Variants in CNTRL observed in about 807,000 individuals in gnomAD.
The protein encoded by CNTRL is centriolin, also known as 110 kDa centrosomal protein.
CNTRL carries 233 observed loss-of-function variants against 303.7 expected under a neutral mutation model. The ratio of observed to expected loss-of-function variants is 0.77; its 90% CI spans 0.69 to 0.86. The LOEUF is 0.86. Among genes scored for constraint, CNTRL ranks in the 40% least tolerant of loss-of-function variants. The pLI, the probability that CNTRL is intolerant of heterozygous loss-of-function variation, is 0.00. For missense variants in CNTRL, 2,524 were observed against 2,650.6 expected (o/e 0.95, Z 1.05); for synonymous variants, 900 against 922.2 (o/e 0.98, Z 0.44).
intron 7 of CNTRL, among the ~76,000 whole-genome samples, chr9:121,101,538 T>A (rs7872447): frequency 0.58 from 88,087 of 151,852 alleles, 28,464 homozygotes; most frequent in South Asian, 0.89. Flanking sequence ...GAAGGCAAGA[T>A]ACAACTAAAA....
chr9:121,159,966 A>G (rs1380183949), intron 31 of CNTRL, among the ~76,000 whole-genome samples, 177 bp from the exon 32 acceptor site: 2 of 152,224 alleles, frequency 1.3e-5, no homozygotes, highest in Non-Finnish European at 2.9e-5. Flanking sequence ...ACTTTCTTCT[A>G]TTATATAGAA....
chr9:121,144,828 C>T lies in CNTRL; in HGVS notation c.3052-15C>T, dbSNP rs377168561. The T allele has an allele frequency of 3.2e-5, 52 of 1,601,384 alleles. No homozygotes were observed. The highest frequency in any genetic ancestry group is 4.3e-5 in the Non-Finnish European group (50 of 1,169,514). Reference sequence around the variant, plus strand: ...TGATAGCAGTGGTGCCTTTCTCATACTTCTGTCCCAGTAGGAGTTGCAGGA... The same window carrying T: ...TGATAGCAGTGGTGCCTTTCTCATATTTCTGTCCCAGTAGGAGTTGCAGGA... On this transcript the variant is annotated splice_polypyrimidine_tract_variant and intron_variant, in intron 20 of 43. Coordinates refer to ENST00000373855, the MANE Select transcript of CNTRL (RefSeq NM_007018.6).
In CNTRL at chr9:121,094,983, A is replaced by G. The variant is rs2048827726; in HGVS notation, c.444A>G (p.Lys148=). Residue 148 remains lysine, a synonymous_variant, in exon 5 of 44, where the codon AAA becomes AAG. Transcript: ENST00000373855. ...TTGAAAAGTTGGACAAGCTGTTAAA[A>G]TTACGTGAACTCAACTTATCATATA... is the stretch of plus-strand genomic sequence containing the variant. The part of the protein sequence containing the change: ...GKIEKLDKLL[K]LRELNLSYNK... The G allele has an allele frequency of 1.9e-6, 3 of 1,609,028 alleles. No homozygotes were observed. The South Asian group carries it at 3.3e-5, about 18-fold the overall frequency.
intron 19 of CNTRL, among the ~76,000 whole-genome samples, chr9:121,142,491 G>A (rs1045480188): frequency 1.3e-5 from 2 of 152,210 alleles, no homozygotes; most frequent in African/African-American, 4.8e-5. Context: ...AGAATGTAAG[G>A]AGTGACTTTC....
At chr9:121,101,223 A>G (rs1300765851) in intron 7 of CNTRL, among the ~76,000 whole-genome samples, 1 of 152,202 alleles carries the variant, frequency 6.6e-6, no homozygotes, top group Non-Finnish European at 1.5e-5. Context: ...GTGCAATCAA[A>G]CTAGAACTCA....
rs2053534294 is a variant in CNTRL at position 121,176,586 on chromosome 9, TA to T, written c.6955-573del. Among the ~76,000 whole-genome samples, 9 of 152,252 alleles carry T rather than the reference TA, an allele frequency of 5.9e-5. No homozygotes were observed. In the South Asian group the frequency reaches 1.9e-3, roughly 32 times the overall value. The stretch of plus-strand genomic sequence containing the variant: ...GAGAAGAGTAGAGTGCACAAGGGCT[TA>T]AAAGCCAGCTTCAATTACCAGCTCA... On this transcript the variant is annotated intron_variant, in intron 43 of 43. Coordinates refer to ENST00000373855, the MANE Select transcript of CNTRL (RefSeq NM_007018.6).
chr9:121,117,298 T>C (rs1029491728), intron 11 of CNTRL, among the ~76,000 whole-genome samples: 7 of 152,214 alleles, frequency 4.6e-5, no homozygotes, highest in Non-Finnish European at 8.8e-5. Flanking sequence ...ATTGCAGTTA[T>C]GGGGAATTAC....
At chr9:121,124,803 G>A (rs1276234564) in intron 13 of CNTRL, among the ~76,000 whole-genome samples, 6 of 151,600 alleles carry the variant, frequency 4.0e-5, no homozygotes, top group Non-Finnish European at 5.9e-5. Context: ...TTAGCCAGGC[G>A]TAGTGGTATG....
rs1425751691 is a variant in CNTRL, at chr9:121,162,154, A to G, written c.5306A>G (p.Glu1769Gly). Residue 1769 changes from glutamate to glycine, a missense_variant, in exon 34 of 44, where the codon GAA becomes GGA. Physicochemically the swap from Glu to Gly is moderately conservative, Grantham distance 98 (BLOSUM62 -2). Coordinates refer to ENST00000373855, the MANE Select transcript of CNTRL (RefSeq NM_007018.6). ...CTTGAGAGGGATAAACGAGAAATAG[A>G]ACGAATGACTGCTGAGTCCCGAGCT... ...QLLERDKREI[E>G]RMTAESRALQ... The G allele has an allele frequency of 6.2e-7, 1 of 1,614,062 alleles. No homozygotes were observed. The highest frequency in any genetic ancestry group is 8.5e-7 in the Non-Finnish European group (1 of 1,180,018).
chr9:121,142,709 A>C (rs927493506), intron 19 of CNTRL, among the ~76,000 whole-genome samples: 6 of 152,128 alleles, frequency 3.9e-5, no homozygotes, highest in Non-Finnish European at 7.4e-5. Context: ...CAAGTTTAAA[A>C]ATTGCACCCA....
chr9:121,132,348 C>G (rs994844635), intron 14 of CNTRL, among the ~76,000 whole-genome samples: 1 of 152,118 alleles, frequency 6.6e-6, no homozygotes, highest in African/African-American at 2.4e-5. Flanking sequence ...TCTTTTTTCT[C>G]TAAACTTCTC....
At chr9:121,146,365 C>A in intron 23 of CNTRL, 109 bp downstream of exon 23, 2 of 1,116,224 alleles carry the variant, frequency 1.8e-6, no homozygotes, top group Non-Finnish European at 2.5e-6. Context: ...CATTTCTATG[C>A]TAAGCCGTGC....
chr9:121,084,732 G>A (rs1564186664), intron 2 of CNTRL, among the ~76,000 whole-genome samples: 1 of 152,102 alleles, frequency 6.6e-6, no homozygotes, highest in Non-Finnish European at 1.5e-5. Flanking sequence ...TTTTAGTAGA[G>A]ACGGGGTTTC....
In CNTRL at chr9:121,158,231, T is replaced by A. The variant is rs1165790588; in HGVS notation, c.4764+122T>A. ...TGTATTATAGTTGTTAAGCATGAAG[T>A]CTGAACTAAATTTGAATCCCAACTC... On this transcript the variant is annotated intron_variant, in intron 30 of 43. Coordinates refer to ENST00000373855, the MANE Select transcript of CNTRL (RefSeq NM_007018.6). 13 of 1,217,794 alleles carry A rather than the reference T, an allele frequency of 1.1e-5. No homozygotes were observed. The South Asian group carries it at 1.3e-4, about 12-fold the overall frequency. The allele number at this position is 1,217,794 out of a possible 1,614,324, so 75.4% of individuals were successfully genotyped here. A position where few individuals can be genotyped will look rare whatever the true frequency, so the allele number is the denominator to read the frequency against.
intron 14 of CNTRL, among the ~76,000 whole-genome samples, chr9:121,127,290 A>C (rs2050584061): frequency 6.6e-6 from 1 of 152,104 alleles, no homozygotes. Context: ...AACAATGCTG[A>C]GCATAACATT....
At chr9:121,148,607 G>T in intron 23 of CNTRL, 65 bp from the exon 24 acceptor site, 1 of 1,445,612 alleles carries the variant, frequency 6.9e-7, no homozygotes, top group South Asian at 1.3e-5. Context: ...TGTAGACTTT[G>T]ACGTTTCTTA....
At chr9:121,122,951 G>A (rs1373488219) in intron 12 of CNTRL, among the ~76,000 whole-genome samples, 1 of 152,028 alleles carries the variant, frequency 6.6e-6, no homozygotes, top group Non-Finnish European at 1.5e-5. Flanking sequence ...GGTCTTTGAG[G>A]TCCCTGTCAG....
intron 7 of CNTRL, among the ~76,000 whole-genome samples, chr9:121,100,877 G>A (rs1439312871): frequency 6.6e-6 from 1 of 152,184 alleles, no homozygotes; most frequent in African/African-American, 2.4e-5. Flanking sequence ...AAATATATAT[G>A]CACCCAATAC....
chr9:121,127,709 T>C (rs914223349), intron 14 of CNTRL, among the ~76,000 whole-genome samples: 1 of 152,066 alleles, frequency 6.6e-6, no homozygotes, highest in Non-Finnish European at 1.5e-5. Context: ...ATTTGTTACA[T>C]AGGTATACAT....
Sources: gnomAD v4.1 joint callset for allele counts (sites outside exome capture counted in the v4.1 genomes callset) on GRCh38, gnomAD v4.1.1 for gene constraint, MANE v1.5 for transcripts, NCBI Gene and HGNC (gene_info 2026-07-23, HGNC 2026-07-21) for gene names.